CDH12: variants seen among roughly 807,000 people sequenced by gnomAD.
CDH12 encodes the protein cadherin-12.
A neutral mutation model predicts 74.1 loss-of-function variants in CDH12; 41 were observed. The ratio of observed to expected loss-of-function variants is 0.55; its 90% CI spans 0.43 to 0.72. The LOEUF (loss-of-function observed/expected upper bound fraction) is 0.72. CDH12 is among the 30% of genes least tolerant of loss of function. The pLI is 0.00. For synonymous variants in CDH12, 399 were observed against 355.0 expected, an observed-to-expected ratio of 1.12 and a Z score of -1.39; for missense variants, 945 against 977.2, an observed-to-expected ratio of 0.97 and a Z score of 0.44.
chr5:22,714,070 C>T (rs892204434), intron 1 of CDH12, among the ~76,000 whole-genome samples: 10 of 152,152 alleles, frequency 6.6e-5, no homozygotes, highest in Non-Finnish European at 1.5e-4. Flanking sequence ...ACCTCACTAA[C>T]AACTTATAAT....
At chr5:22,261,959 A>G (rs1753531141) in intron 3 of CDH12, among the ~76,000 whole-genome samples, 1 of 152,082 alleles carries the variant, frequency 6.6e-6, no homozygotes, top group African/African-American at 2.4e-5. Flanking sequence ...TTAGAGAAAG[A>G]AACTGTCATG....
At chr5:22,718,682 C>G (rs2126985873) in intron 1 of CDH12, among the ~76,000 whole-genome samples, 1 of 152,142 alleles carries the variant, frequency 6.6e-6, no homozygotes, top group South Asian at 2.1e-4. Flanking sequence ...AATGGAGACT[C>G]AAAGTATTGG....
In CDH12 at chr5:22,085,731, C is replaced by T. The variant is rs115687075; in HGVS notation, c.-186-6869G>A. On this transcript the variant is annotated intron_variant, in intron 4 of 14. Transcript: ENST00000382254. ...TCAATGGCAGCATAACTTACGTAAT[C>T]CAAAAAATATTAAAATGTCAACAAT... Among the ~76,000 whole-genome samples, 1,209 of 152,084 alleles carry T rather than the reference C, an allele frequency of 7.9e-3. 10 individuals are homozygous for T. The highest frequency in any genetic ancestry group is 0.012 in the Non-Finnish European group (819 of 67,970).
chr5:22,480,872 C>G (rs1746360247), intron 2 of CDH12, among the ~76,000 whole-genome samples: 1 of 152,142 alleles, frequency 6.6e-6, no homozygotes, highest in Non-Finnish European at 1.5e-5. Context: ...ATTTGCAATG[C>G]TCACGCAAAT....
chr5:21,762,377 A>G (rs1037773880), intron 12 of CDH12, among the ~76,000 whole-genome samples: 1 of 152,130 alleles, frequency 6.6e-6, no homozygotes, highest in Non-Finnish European at 1.5e-5. Flanking sequence ...GAATAAATAG[A>G]TGAAATGTAG....
chr5:22,489,957 G>A (rs1746793233), intron 2 of CDH12, among the ~76,000 whole-genome samples: 1 of 152,068 alleles, frequency 6.6e-6, no homozygotes. Flanking sequence ...TGGGATTACA[G>A]GTGTGAGACA....
At chr5:22,659,109 CT>C (rs1219539885) in intron 1 of CDH12, among the ~76,000 whole-genome samples, 4 of 152,068 alleles carry the variant, frequency 2.6e-5, no homozygotes. Flanking sequence ...AGATCTAAAT[CT>C]GTTGAATTTT....
intron 4 of CDH12, among the ~76,000 whole-genome samples, chr5:22,092,397 A>G (rs1743489272): frequency 6.6e-6 from 1 of 152,182 alleles, no homozygotes; most frequent in African/African-American, 2.4e-5. Context: ...TCAAATATAT[A>G]AAGACCATTT....
At chr5:22,372,145 A>G (rs1741320865) in intron 3 of CDH12, among the ~76,000 whole-genome samples, 1 of 152,164 alleles carries the variant, frequency 6.6e-6, no homozygotes, top group Non-Finnish European at 1.5e-5. Flanking sequence ...ACCAGTTAAG[A>G]TTTCTAGAGG....
chr5:22,108,264 C>T (rs1380207146), intron 4 of CDH12, among the ~76,000 whole-genome samples: 2 of 152,136 alleles, frequency 1.3e-5, no homozygotes, highest in East Asian at 1.9e-4. Flanking sequence ...GTAAGATGTC[C>T]CTTTGCTCTT....
intron 1 of CDH12, among the ~76,000 whole-genome samples, chr5:22,846,197 G>A (rs1737292599): frequency 6.6e-6 from 1 of 152,128 alleles, no homozygotes; most frequent in Admixed American, 6.5e-5. Context: ...GGTATATTTA[G>A]GGTGCGGTAA....
intron 3 of CDH12, among the ~76,000 whole-genome samples, chr5:22,243,342 C>T (rs556726615): frequency 2.0e-5 from 3 of 151,732 alleles, no homozygotes; most frequent in African/African-American, 7.3e-5. Flanking sequence ...GCTAACCTAA[C>T]TAAACAAATA....
At chr5:22,816,781 G>C (rs1448559544) in intron 1 of CDH12, among the ~76,000 whole-genome samples, 1 of 152,082 alleles carries the variant, frequency 6.6e-6, no homozygotes, top group Non-Finnish European at 1.5e-5. Context: ...AAGTCAGTGG[G>C]AGGTAAATTT....
At position 21,802,420 on chromosome 5, in the gene CDH12, G is replaced by A. The variant is rs576556751; in HGVS notation, c.1003C>T (p.Pro335Ser). ...GCCTTCTTTGTTTCAAAATCTAAAG[G>A]CTGTAGTGAGGACAAATTAAGAATA... The part of the protein sequence containing the change: ...TQEGVIKLKK[P>S]LDFETKKAYT... Residue 335 changes from proline (P) to serine (S), a missense_variant and splice_region_variant, in exon 10 of 15, where the codon CCT becomes TCT. Pro to Ser is a moderately conservative substitution (Grantham distance 74, BLOSUM62 -1). This residue lies in a region of CDH12 where 791 missense variants were observed against 792.8 expected (regional missense o/e 1.00). Transcript: ENST00000382254. The A allele has an allele frequency of 3.0e-5, 48 of 1,611,238 alleles. No homozygotes were observed. Among genetic ancestry groups the A allele is most frequent in the African/African-American group, 6.7e-5 (5 of 74,756 alleles).
Position 22,314,840 on chromosome 5 carries a change from GTTA to G in CDH12, c.-333+90414_-333+90416del, listed in dbSNP as rs766682152. Among the ~76,000 whole-genome samples the G allele has an allele frequency of 9.3e-4, 140 of 149,864 alleles. 2 individuals are homozygous for G. The highest frequency in any genetic ancestry group is 7.8e-4 in the Non-Finnish European group (53 of 67,654). On this transcript the variant is annotated intron_variant, in intron 3 of 14. Coordinates refer to ENST00000382254, the MANE Select transcript of CDH12 (RefSeq NM_004061.5). ...TTCAAGGTCATTAGGGTTAGAATAG[GTTA>G]TTATTTTTTTTTAATGTAAGAAGAA...
Position 22,616,105 on chromosome 5 carries a change from C to A in CDH12, c.-522-110741G>T, listed in dbSNP as rs1040505282. Among the ~76,000 whole-genome samples, 8 of 152,068 alleles carry A rather than the reference C, an allele frequency of 5.3e-5. No homozygotes were observed. In the East Asian group the frequency reaches 1.5e-3, roughly 29 times the overall value. On this transcript the variant is annotated intron_variant, in intron 1 of 14. Coordinates refer to ENST00000382254, the MANE Select transcript of CDH12 (RefSeq NM_004061.5). ...CAATAATATTCAGTGCACAGTTTCACCCATAAGATAAAATTGTCAAAGACA... is the reference window on the plus strand; with the variant it reads ...CAATAATATTCAGTGCACAGTTTCAACCATAAGATAAAATTGTCAAAGACA...
intron 1 of CDH12, among the ~76,000 whole-genome samples, chr5:22,811,279 G>A (rs1234742553): frequency 2.6e-5 from 4 of 152,020 alleles, no homozygotes; most frequent in East Asian, 1.9e-4. Context: ...ATTTCACAGC[G>A]GTTAATCTTC....
chr5:22,837,339 T>C (rs1274268962), intron 1 of CDH12, among the ~76,000 whole-genome samples: 6 of 152,078 alleles, frequency 3.9e-5, no homozygotes. Flanking sequence ...GCCCAGCACG[T>C]TGAGGCTACA....
intron 2 of CDH12, among the ~76,000 whole-genome samples, chr5:22,415,092 C>T (rs941921908): frequency 4.6e-5 from 7 of 151,882 alleles, no homozygotes; most frequent in Non-Finnish European, 2.9e-5. Flanking sequence ...AGCATGAAAG[C>T]AATACTAAAA....
Sources: allele counts gnomAD v4.1 joint callset (sites outside exome capture counted in the v4.1 genomes callset), GRCh38; gene constraint gnomAD v4.1.1; regional missense constraint gnomAD v4.1.1; transcripts MANE v1.5; gene names NCBI Gene and HGNC (gene_info 2026-07-23, HGNC 2026-07-21).